The following UCKL1 variants were observed in gnomAD, a reference collection of about 807,000 sequenced individuals.
UCKL1 encodes the protein uridine-cytidine kinase 1 like 1.
A neutral mutation model predicts 59.2 loss-of-function variants in UCKL1; 65 were observed. The observed-to-expected ratio is 1.10, with a 90% CI of 0.90 to 1.35. The LOEUF is 1.35. Ranked by LOEUF, UCKL1 falls within the 40% of genes most tolerant of loss-of-function variation. The pLI is 0.00. For missense variants in UCKL1, 703 were observed against 784.3 expected (o/e 0.90, Z 1.24); for synonymous variants, 410 against 323.1 (o/e 1.27, Z -2.88).
At chr20:63,944,004 C>T (rs1403998690) in intron 7 of UCKL1, among the ~76,000 whole-genome samples, 7 of 152,200 alleles carry the variant, frequency 4.6e-5, no homozygotes, top group African/African-American at 9.6e-5. Context: ...GTGGGGGTGT[C>T]GCTCCTGGGG....
chr20:63,951,351 G>A (rs571459655), intron 1 of UCKL1, among the ~76,000 whole-genome samples: 225 of 152,216 alleles, frequency 1.5e-3, no homozygotes, highest in African/African-American at 5.2e-3. Flanking sequence ...ACTGTGCGCC[G>A]TGTGCCTGCA....
intron 1 of UCKL1, among the ~76,000 whole-genome samples, chr20:63,947,702 G>A (rs557474486): frequency 1.1e-4 from 17 of 152,346 alleles, no homozygotes; most frequent in East Asian, 1.9e-4. Flanking sequence ...AGAAACCTCC[G>A]GCATCTGGCA....
In UCKL1 at chr20:63,939,839, T is replaced by A; in HGVS notation, c.*137A>T. The A allele has an allele frequency of 1.2e-6, 1 of 855,176 alleles. No homozygotes were observed. Among genetic ancestry groups the A allele is most frequent in the Non-Finnish European group, 1.8e-6 (1 of 565,124 alleles). 53.0% of individuals were successfully genotyped at this position (855,176 alleles called of 1,614,324 possible). A position where few individuals can be genotyped will look rare whatever the true frequency, so the allele number is the denominator to read the frequency against. ...GTAACCAATCACACCTTCATTTTTC[T>A]AAAGCTTTATTTATTTTATAAAATG... On this transcript the variant is annotated 3_prime_UTR_variant, in exon 15 of 15. Transcript: ENST00000354216.
Position 63,946,485 on chromosome 20 carries a change from T to C in UCKL1, c.272A>G (p.His91Arg), listed in dbSNP as rs528118232. Reference sequence around the variant, plus strand: ...GAAGGCCTCTTTGGATTGCGTGCCGTGTTCATTGTACCAGGGCGGCCGCCC... The same window carrying C: ...GAAGGCCTCTTTGGATTGCGTGCCGCGTTCATTGTACCAGGGCGGCCGCCC... The part of the protein sequence containing the change: ...TAGRPPWYNE[H>R]GTQSKEAFAI... The change falls in exon 2 of 15, where the codon CAC becomes CGC. Residue 91 changes from histidine to arginine, a missense_variant. By Grantham distance (29) the His-to-Arg change is conservative. Transcript: ENST00000354216. The C allele has an allele frequency of 7.1e-5, 112 of 1,578,906 alleles. 1 individual carries two copies. The Admixed American group carries it at 1.2e-3, about 17-fold the overall frequency.
intron 8 of UCKL1, chr20:63,941,568 A>T: frequency 3.6e-6 from 1 of 279,270 alleles, no homozygotes; most frequent in South Asian, 3.9e-5. Context: ...CATACCCCAG[A>T]ATGGGTAGCT....
At chr20:63,947,865 C>T (rs531518028) in intron 1 of UCKL1, among the ~76,000 whole-genome samples, 116 of 152,330 alleles carry the variant, frequency 7.6e-4, no homozygotes, top group African/African-American at 1.7e-3. Flanking sequence ...CGTGCTGGAC[C>T]GGCACTCAGG....
At chr20:63,951,766 C>T (rs149787502) in intron 1 of UCKL1, among the ~76,000 whole-genome samples, 9,712 of 137,640 alleles carry the variant, frequency 0.071, no homozygotes, top group Non-Finnish European at 0.092. Flanking sequence ...GCCACCTCCC[C>T]GCCCAGGGCT....
intron 7 of UCKL1, 107 bp downstream of exon 7, chr20:63,944,290 C>T: frequency 9.0e-7 from 1 of 1,109,374 alleles, no homozygotes; most frequent in Non-Finnish European, 1.3e-6. Flanking sequence ...TGGCAGGGGA[C>T]AGTGAACGCA....
In UCKL1 at chr20:63,940,198, C is replaced by T. The variant is rs780778875; in HGVS notation, c.1519G>A (p.Ala507Thr). The T allele has an allele frequency of 5.0e-6, 8 of 1,612,804 alleles. No homozygotes were observed. Among genetic ancestry groups the T allele is most frequent in the Non-Finnish European group, 6.8e-6 (8 of 1,179,994 alleles). ...AFPRVRIITT[A>T]VDKRVNDLFR... ...AGGTCATTGACCCGCTTGTCCACCG[C>T]CGTGGTGATGATTCTCACTCGCGGA... The change falls in exon 14 of 15, where the codon GCG becomes ACG. Residue 507 changes from alanine to threonine, a missense_variant. Around this residue, in one of 4 missense-constraint regions of UCKL1, gnomAD observed 124 missense variants for 161.1 expected, o/e 0.77. Transcript: ENST00000354216.
Position 63,946,159 on chromosome 20 carries a change from ACCTT to A in UCKL1, c.409_411+1del, listed in dbSNP as rs779605711. The A allele has an allele frequency of 4.3e-6, 7 of 1,611,990 alleles. No homozygotes were observed. In the Admixed American group the frequency reaches 1.0e-4, roughly 23 times the overall value. On this transcript the variant is annotated splice_donor_variant and coding_sequence_variant, in exon 3 of 15. Transcript: ENST00000354216. LOFTEE classifies it high-confidence loss of function. Reference sequence around the variant, plus strand: ...CCTCGGGGGAGCTGGGCGGGGGCCCACCTTGTAGAAGGAGTCCATGGACAGCAAG... The same window carrying A: ...CCTCGGGGGAGCTGGGCGGGGGCCCAGTAGAAGGAGTCCATGGACAGCAAG...
In UCKL1 at chr20:63,945,832, G is replaced by A. The variant is rs369666112; in HGVS notation, c.555C>T (p.Phe185=). The A allele has an allele frequency of 7.3e-5, 117 of 1,613,678 alleles. 1 individual carries two copies. The African/African-American group carries it at 1.5e-3, about 21-fold the overall frequency. ...GKSVKVPIYD[F]TTHSRKKDWK... ...AGTCCTTCTTCCGGCTGTGCGTGGT[G>A]AAGTCATAAATGGGCACCTTGACAC... The change falls in exon 4 of 15, where the codon TTC becomes TTT. Residue 185 remains phenylalanine, a synonymous_variant. Transcript: ENST00000354216.
intron 7 of UCKL1, 48 bp downstream of exon 7, chr20:63,944,349 G>A: frequency 2.0e-6 from 3 of 1,518,982 alleles, no homozygotes; most frequent in Non-Finnish European, 2.7e-6. Context: ...CGGAGAAGTG[G>A]GTAGAGGGGC....
intron 5 of UCKL1, 65 bp downstream of exon 5, chr20:63,945,586 A>G: frequency 1.3e-6 from 2 of 1,551,334 alleles, no homozygotes; most frequent in Non-Finnish European, 1.8e-6. Context: ...GAGGACGCAC[A>G]CCTCATGGAC....
rs1485375122 is a variant in UCKL1, at chr20:63,946,438, C to A, written c.304+15G>T. On this transcript the variant is annotated intron_variant, in intron 2 of 14. Transcript: ENST00000354216. Reference sequence around the variant, plus strand: ...AGGCGTCCGGCAGCAGGTCCCACCCCCCCGCTGCTCTCACCGATGGCGAAG... The same window carrying A: ...AGGCGTCCGGCAGCAGGTCCCACCCACCCGCTGCTCTCACCGATGGCGAAG... 2 of 1,534,696 alleles carry A rather than the reference C, an allele frequency of 1.3e-6. No individual in the cohort carries two copies. Among genetic ancestry groups the A allele is most frequent in the East Asian group, 4.7e-5 (2 of 42,714 alleles).
intron 1 of UCKL1, chr20:63,948,353 C>T (rs985094987): frequency 2.6e-5 from 4 of 151,922 alleles, no homozygotes; most frequent in African/African-American, 9.7e-5. Context: ...CTGTCCACCG[C>T]GCTCCGGAGT....
rs1344059335 is a variant in UCKL1 at position 63,946,641 on chromosome 20, C to T, written c.116G>A (p.Ser39Asn). ...GAGCCTGTCCAGGGACTCTGCATTGCTGCTGCAGAGAGGGATGTACTCGGA... is the reference window on the plus strand; with the variant it reads ...GAGCCTGTCCAGGGACTCTGCATTGTTGCTGCAGAGAGGGATGTACTCGGA... ...EKSETACEDR[S>N]NAESLDRLLP... Residue 39 changes from serine (S) to asparagine (N), a missense_variant and splice_region_variant, in exon 2 of 15, where the codon AGC (serine) becomes AAC (asparagine). Coordinates refer to ENST00000354216, the MANE Select transcript of UCKL1 (RefSeq NM_017859.4). The T allele has an allele frequency of 2.5e-6, 4 of 1,606,992 alleles. No individual in the cohort carries two copies. Among genetic ancestry groups the T allele is most frequent in the African/African-American group, 1.3e-5 (1 of 74,902 alleles).
In UCKL1 at chr20:63,949,488, T is replaced by C. The variant is rs1244987461; in HGVS notation, c.114-2845A>G. On this transcript the variant is annotated intron_variant, in intron 1 of 14. Transcript: ENST00000354216. ...ACCTCCCAGCGGCCCTGGACACACATGACCAACGCACCAGCAGTAAACAAA... is the reference window on the plus strand; with the variant it reads ...ACCTCCCAGCGGCCCTGGACACACACGACCAACGCACCAGCAGTAAACAAA... 3.9e-5 allele frequency among the ~76,000 whole-genome samples: 6 copies of C among 152,034 alleles called. No homozygotes were observed. The East Asian group carries it at 1.2e-3, about 29-fold the overall frequency.
chr20:63,942,353 G>C (rs1170855456), intron 8 of UCKL1: 1 of 1,138,426 alleles, frequency 8.8e-7, no homozygotes. Context: ...AAAGAGGCGT[G>C]ACAGCGGCAG....
At chr20:63,945,768 A>G (rs781522990) in intron 4 of UCKL1, 37 bp downstream of exon 4, 1 of 1,612,768 alleles carries the variant, frequency 6.2e-7, no homozygotes, top group Non-Finnish European at 8.5e-7. Flanking sequence ...ATGTGCCTGC[A>G]GCCCCCCGAG....
Sources: allele counts gnomAD v4.1 joint callset (sites outside exome capture counted in the v4.1 genomes callset), GRCh38; gene constraint gnomAD v4.1.1; regional missense constraint gnomAD v4.1.1; transcripts MANE v1.5; gene names NCBI Gene and HGNC (gene_info 2026-07-23, HGNC 2026-07-21).